Variants in PLD5 observed in about 807,000 individuals in gnomAD.
The protein encoded by PLD5 is phospholipase D family member 5.
Under a neutral mutation model 61.1 loss-of-function variants are expected in PLD5, and 36 were observed. That is an observed-to-expected ratio of 0.59 (90% CI 0.45 to 0.78). The LOEUF (loss-of-function observed/expected upper bound fraction) is 0.78, where lower values mean the gene tolerates loss of function less well. Among genes scored for constraint, PLD5 ranks in the 30% least tolerant of loss-of-function variants. The pLI is 0.00. For synonymous variants in PLD5, 243 were observed against 242.8 expected, an observed-to-expected ratio of 1.00 and a Z score of -0.01; for missense variants, 515 against 644.4, an observed-to-expected ratio of 0.80 and a Z score of 2.17.
intron 5 of PLD5, among the ~76,000 whole-genome samples, chr1:242,128,133 T>C (rs1015614905): frequency 3.3e-5 from 5 of 152,136 alleles, no homozygotes; most frequent in Non-Finnish European, 7.4e-5. Flanking sequence ...CGTGAGACCA[T>C]GTCTTTACAA....
At chr1:242,409,660 T>C (rs1664436091) in intron 1 of PLD5, among the ~76,000 whole-genome samples, 1 of 152,212 alleles carries the variant, frequency 6.6e-6, no homozygotes, top group Non-Finnish European at 1.5e-5. Context: ...ACCAGCCAGT[T>C]ATATGAGGAG....
chr1:242,306,101 G>A (rs1676332823), intron 2 of PLD5, among the ~76,000 whole-genome samples: 1 of 151,786 alleles, frequency 6.6e-6, no homozygotes, highest in African/African-American at 2.4e-5. Context: ...CAAAACTGAA[G>A]GGACATGAGG....
chr1:242,368,567 A>G (rs1474033015), intron 1 of PLD5, among the ~76,000 whole-genome samples: 1 of 152,034 alleles, frequency 6.6e-6, no homozygotes, highest in Non-Finnish European at 1.5e-5. Context: ...GGCATGAAAA[A>G]CCAGTTAGGA....
chr1:242,391,764 T>C (rs10926719), intron 1 of PLD5, among the ~76,000 whole-genome samples: 3,827 of 150,644 alleles, frequency 0.025, 130 homozygotes, highest in East Asian at 0.11. Flanking sequence ...TCTTGGGCAA[T>C]GTTTTGGGGA....
intron 1 of PLD5, among the ~76,000 whole-genome samples, chr1:242,395,492 G>A (rs1403949517): frequency 1.3e-5 from 2 of 152,110 alleles, no homozygotes; most frequent in African/African-American, 4.8e-5. Context: ...ACAAGATGAA[G>A]GAGATAAGCC....
In PLD5 at chr1:242,124,381, A is replaced by G. The variant is rs1662618353; in HGVS notation, c.933+87T>C. 1.7e-5 allele frequency: 23 copies of G among 1,350,912 alleles called. No homozygotes were observed. In the South Asian group the frequency reaches 1.7e-4, roughly 10 times the overall value. The allele number at this position is 1,350,912 out of a possible 1,614,324, so 83.7% of individuals were successfully genotyped here. A position where few individuals can be genotyped will look rare whatever the true frequency, so the allele number is the denominator to read the frequency against. On this transcript the variant is annotated intron_variant, in intron 6 of 9. Transcript: ENST00000536534. ...AACCACTGTAATTCATTTTTGCCCA[A>G]TACAAGATCACACTTAAACATTCCA...
At position 242,524,197 on chromosome 1, in the gene PLD5, T is replaced by C. The variant is rs1208021533; in HGVS notation, c.80A>G (p.Lys27Arg). The change falls in exon 1 of 10, where the codon AAG becomes AGG. Residue 27 changes from lysine (K) to arginine (R), a missense_variant. Physicochemically the swap from Lys to Arg is conservative, Grantham distance 26. Around this residue, in one of 2 missense-constraint regions of PLD5, gnomAD observed 65 missense variants for 46.3 expected, o/e 1.40. Coordinates refer to ENST00000536534, the MANE Select transcript of PLD5 (RefSeq NM_001372062.1). Reference protein sequence around the residue: ...FEQMRLKSRPKEPSPSLTRVG... With the variant: ...FEQMRLKSRPREPSPSLTRVG... ...TCGGGTCAGGCTTGGGGAGGGCTCC[T>C]TGGGGCGGCTTTTGAGCCTCATCTG... The C allele has an allele frequency of 8.5e-6, 13 of 1,533,700 alleles. No individual in the cohort carries two copies. Among genetic ancestry groups the C allele is most frequent in the Non-Finnish European group, 1.0e-5 (12 of 1,145,786 alleles).
intron 1 of PLD5, among the ~76,000 whole-genome samples, chr1:242,517,815 C>T (rs1272622911): frequency 6.6e-6 from 1 of 152,126 alleles, no homozygotes; most frequent in African/African-American, 2.4e-5. Flanking sequence ...TTAAAGACCT[C>T]ACAGCTTCCT....
intron 5 of PLD5, among the ~76,000 whole-genome samples, chr1:242,146,819 G>T (rs974795890): frequency 3.9e-5 from 6 of 152,114 alleles, no homozygotes; most frequent in African/African-American, 1.4e-4. Flanking sequence ...CCTGTTACTG[G>T]TTTCATTTTC....
intron 2 of PLD5, among the ~76,000 whole-genome samples, chr1:242,297,056 T>A (rs566351105): frequency 6.6e-6 from 1 of 151,376 alleles, no homozygotes; most frequent in African/African-American, 2.5e-5. Flanking sequence ...AAAGAAAAAC[T>A]TCCCCCTGGC....
chr1:242,388,351 C>T (rs139123832), intron 1 of PLD5, among the ~76,000 whole-genome samples: 110 of 152,224 alleles, frequency 7.2e-4, no homozygotes, highest in Non-Finnish European at 1.2e-3. Context: ...AATGGGTCAG[C>T]ACAGCTCTGA....
At chr1:242,176,527 CAA>C (rs1667159777) in intron 5 of PLD5, among the ~76,000 whole-genome samples, 1 of 152,100 alleles carries the variant, frequency 6.6e-6, no homozygotes, top group South Asian at 2.1e-4. Flanking sequence ...TAGGTATGGG[CAA>C]AGACTTCATG....
chr1:242,204,094 A>G (rs1257559828), intron 5 of PLD5, among the ~76,000 whole-genome samples: 3 of 151,696 alleles, frequency 2.0e-5, no homozygotes, highest in Non-Finnish European at 4.4e-5. Context: ...AAAAAAAAAA[A>G]AACTTAGGTG....
At chr1:242,156,068 C>T (rs1665341661) in intron 5 of PLD5, among the ~76,000 whole-genome samples, 2 of 152,152 alleles carry the variant, frequency 1.3e-5, no homozygotes, top group African/African-American at 2.4e-5. Flanking sequence ...GGACAGTTAG[C>T]TCTTCTTGTT....
At chr1:242,422,119 A>G (rs989646477) in intron 1 of PLD5, among the ~76,000 whole-genome samples, 4 of 152,178 alleles carry the variant, frequency 2.6e-5, no homozygotes, top group Non-Finnish European at 4.4e-5. Context: ...TGCTAGAGAC[A>G]CTTAGTTTTC....
chr1:242,396,208 G>C (rs1411982066), intron 1 of PLD5, among the ~76,000 whole-genome samples: 3 of 152,128 alleles, frequency 2.0e-5, no homozygotes, highest in African/African-American at 7.2e-5. Context: ...TTCATATTTT[G>C]AGCCCAATAA....
chr1:242,300,462 GAAAGAAAGAAAGAA>G (rs1675968215), intron 2 of PLD5, among the ~76,000 whole-genome samples: 1 of 1,512 alleles, frequency 6.6e-4, no homozygotes, highest in Non-Finnish European at 3.9e-3. Context: ...AAGAAAGAAA[GAAAGAAAGAAAGAA>G]AGAAGAAGAA....
chr1:242,154,683 A>G (rs1665215325), intron 5 of PLD5, among the ~76,000 whole-genome samples: 1 of 152,120 alleles, frequency 6.6e-6, no homozygotes, highest in South Asian at 2.1e-4. Context: ...CTTGCATCTC[A>G]GGGATGAAGC....
chr1:242,366,181 C>A (rs1661330654), intron 1 of PLD5, among the ~76,000 whole-genome samples: 1 of 152,094 alleles, frequency 6.6e-6, no homozygotes, highest in Non-Finnish European at 1.5e-5. Flanking sequence ...AGAAACCATG[C>A]CTCTACATTC....
Sources: allele counts gnomAD v4.1 joint callset (sites outside exome capture counted in the v4.1 genomes callset), GRCh38; gene constraint gnomAD v4.1.1; regional missense constraint gnomAD v4.1.1; transcripts MANE v1.5; gene names NCBI Gene and HGNC (gene_info 2026-07-23, HGNC 2026-07-21).